The following SH3RF3 variants were observed in gnomAD, a reference collection of about 807,000 sequenced individuals.
SH3RF3 encodes the protein E3 ubiquitin-protein ligase SH3RF3.
SH3RF3 carries 29 observed loss-of-function variants against 66.3 expected under a neutral mutation model. The ratio of observed to expected loss-of-function variants is 0.44; its 90% CI spans 0.33 to 0.60. The LOEUF is 0.60. Among genes scored for constraint, SH3RF3 ranks in the 20% least tolerant of loss-of-function variants. SH3RF3 has a pLI of 0.04. For synonymous variants in SH3RF3, 583 were observed against 532.0 expected, an observed-to-expected ratio of 1.10 and a Z score of -1.32; for missense variants, 1,194 against 1,190.9, an observed-to-expected ratio of 1.00 and a Z score of -0.04.
intron 8 of SH3RF3, among the ~76,000 whole-genome samples, chr2:109,452,125 C>G (rs1002345338): frequency 1.3e-5 from 2 of 152,198 alleles, no homozygotes; most frequent in African/African-American, 4.8e-5. Context: ...GCAGCAGGGC[C>G]CAAGGCATTT....
At chr2:109,377,041 A>C (rs577629999) in intron 3 of SH3RF3, among the ~76,000 whole-genome samples, 1 of 152,320 alleles carries the variant, frequency 6.6e-6, no homozygotes, top group East Asian at 1.9e-4. Flanking sequence ...AGTCCGGGCT[A>C]TTTTGCTGCC....
chr2:109,452,716 C>T (rs1308440331), intron 8 of SH3RF3, among the ~76,000 whole-genome samples: 1 of 152,162 alleles, frequency 6.6e-6, no homozygotes, highest in African/African-American at 2.4e-5. Flanking sequence ...GAGGCTGGTT[C>T]CCGGGAGGCT....
At position 109,473,710 on chromosome 2, in the gene SH3RF3, C is replaced by T. The variant is rs530729502; in HGVS notation, c.2149-16895C>T. ...ATGTCCTGCTGCCGTGCCCAGCTCACTCAGCCACCCACCCACCCCACCCAC... is the reference window on the plus strand; with the variant it reads ...ATGTCCTGCTGCCGTGCCCAGCTCATTCAGCCACCCACCCACCCCACCCAC... On this transcript the variant is annotated intron_variant, in intron 8 of 9. Coordinates refer to ENST00000309415, the MANE Select transcript of SH3RF3 (RefSeq NM_001099289.3). Among the ~76,000 whole-genome samples, 8 of 151,312 alleles carry T rather than the reference C, an allele frequency of 5.3e-5. 1 individual carries two copies. The highest frequency in any genetic ancestry group is 1.9e-4 in the African/African-American group (8 of 41,220).
At chr2:109,369,078 C>T (rs922492549) in intron 2 of SH3RF3, among the ~76,000 whole-genome samples, 3 of 152,098 alleles carry the variant, frequency 2.0e-5, no homozygotes, top group Non-Finnish European at 4.4e-5. Context: ...GGCATGGTGG[C>T]TCACGCCTAT....
chr2:109,386,310 A>G (rs1675821810), intron 3 of SH3RF3, among the ~76,000 whole-genome samples: 1 of 152,066 alleles, frequency 6.6e-6, no homozygotes, highest in Non-Finnish European at 1.5e-5. Flanking sequence ...TACAGGTGAC[A>G]TTGTGTGGCT....
chr2:109,465,695 T>C (rs1195659960), intron 8 of SH3RF3, among the ~76,000 whole-genome samples: 1 of 152,154 alleles, frequency 6.6e-6, no homozygotes. Context: ...ATAGCAGCTT[T>C]TACTTCTGGG....
intron 3 of SH3RF3, among the ~76,000 whole-genome samples, chr2:109,384,549 C>T (rs968057292): frequency 1.3e-5 from 2 of 152,044 alleles, no homozygotes; most frequent in Non-Finnish European, 2.9e-5. Flanking sequence ...GGGGTTCCCG[C>T]AGGTCACTCT....
intron 1 of SH3RF3, among the ~76,000 whole-genome samples, chr2:109,154,108 T>C (rs949464998): frequency 6.6e-6 from 1 of 152,158 alleles, no homozygotes; most frequent in African/African-American, 2.4e-5. Context: ...GCCAGACTTT[T>C]ATCTCGTGTG....
chr2:109,504,474 C>G lies in SH3RF3; in HGVS notation c.*2803C>G, dbSNP rs1393566227. 1 of 151,768 alleles carries G rather than the reference C, an allele frequency of 6.6e-6. No individual in the cohort carries two copies. The highest frequency in any genetic ancestry group is 2.4e-5 in the African/African-American group (1 of 41,432). The allele number at this position is 151,768 out of a possible 1,614,324, so 9.4% of individuals were successfully genotyped here. On this transcript the variant is annotated 3_prime_UTR_variant, in exon 10 of 10. Transcript: ENST00000309415. ...AAACAGGCTCAGCCGACTGGGAGAT[C>G]CTTTGTACTTTGCACAGTTCACACA...
chr2:109,341,737 C>T (rs1574584237), intron 1 of SH3RF3, among the ~76,000 whole-genome samples: 2 of 152,282 alleles, frequency 1.3e-5, no homozygotes, highest in African/African-American at 2.4e-5. Flanking sequence ...CCATGCAGCC[C>T]GTGGGAAGGC....
chr2:109,130,561 C>T (rs6731627), intron 1 of SH3RF3, among the ~76,000 whole-genome samples: 30,905 of 152,058 alleles, frequency 0.2, 3,910 homozygotes, highest in Middle Eastern at 0.36. Context: ...GGCCTCCTGC[C>T]TGCGGTGTGG....
chr2:109,142,403 G>A (rs1297015889), intron 1 of SH3RF3, among the ~76,000 whole-genome samples: 1 of 152,222 alleles, frequency 6.6e-6, no homozygotes, highest in Non-Finnish European at 1.5e-5. Context: ...TGTGGGGTTA[G>A]CTCCACAAAC....
intron 1 of SH3RF3, among the ~76,000 whole-genome samples, chr2:109,314,585 G>C (rs563709042): frequency 6.6e-6 from 1 of 152,292 alleles, no homozygotes; most frequent in Admixed American, 6.5e-5. Context: ...CATAAATAGT[G>C]TCTCCATCTT....
chr2:109,196,398 G>A (rs115147053), intron 1 of SH3RF3, among the ~76,000 whole-genome samples: 2 of 152,322 alleles, frequency 1.3e-5, no homozygotes, highest in East Asian at 1.9e-4. Context: ...ATTTAATCCC[G>A]TGGCGGGCAG....
chr2:109,368,708 T>TAAAAA (rs372666198), intron 2 of SH3RF3, among the ~76,000 whole-genome samples: 7 of 136,810 alleles, frequency 5.1e-5, no homozygotes, highest in Admixed American at 2.2e-4. Flanking sequence ...GTATTTTCTT[T>TAAAAA]AAAAAAAAAA....
At chr2:109,174,604 G>T (rs2104960221) in intron 1 of SH3RF3, among the ~76,000 whole-genome samples, 1 of 152,370 alleles carries the variant, frequency 6.6e-6, no homozygotes, top group Non-Finnish European at 1.5e-5. Flanking sequence ...TTCGTATCTA[G>T]GTGGCTGAAG....
At chr2:109,470,914 G>A (rs1247867612) in intron 8 of SH3RF3, among the ~76,000 whole-genome samples, 1 of 152,168 alleles carries the variant, frequency 6.6e-6, no homozygotes, top group Non-Finnish European at 1.5e-5. Context: ...TTTTCACACT[G>A]CTGTAAAGAA....
intron 1 of SH3RF3, among the ~76,000 whole-genome samples, chr2:109,344,474 G>A (rs367696652): frequency 2.0e-5 from 3 of 152,344 alleles, no homozygotes; most frequent in African/African-American, 7.2e-5. Flanking sequence ...GCTGAGGCCA[G>A]CGTAGGGGAC....
At chr2:109,184,440 G>A (rs1678140440) in intron 1 of SH3RF3, among the ~76,000 whole-genome samples, 1 of 152,232 alleles carries the variant, frequency 6.6e-6, no homozygotes, top group Non-Finnish European at 1.5e-5. Flanking sequence ...TGCTATTGCT[G>A]TGGCGGGGCC....
Sources: gnomAD v4.1 joint callset for allele counts (sites outside exome capture counted in the v4.1 genomes callset) on GRCh38, gnomAD v4.1.1 for gene constraint, MANE v1.5 for transcripts, NCBI Gene and HGNC (gene_info 2026-07-23, HGNC 2026-07-21) for gene names.